Variants in CCDC102B observed in about 807,000 individuals in gnomAD.
CCDC102B encodes the protein coiled-coil domain-containing protein 102B.
A neutral mutation model predicts 57.4 loss-of-function variants in CCDC102B; 75 were observed. That is an observed-to-expected ratio of 1.31 (90% CI 1.08 to 1.58). The LOEUF is 1.58. Ranked by LOEUF, CCDC102B falls within the 40% of genes most tolerant of loss-of-function variation. The pLI is 0.00. For missense variants in CCDC102B, 636 were observed against 582.6 expected (o/e 1.09, Z -0.94); for synonymous variants, 206 against 201.9 (o/e 1.02, Z -0.17).
intron 6 of CCDC102B, among the ~76,000 whole-genome samples, chr18:68,991,631 T>G (rs2050870001): frequency 6.6e-6 from 1 of 152,200 alleles, no homozygotes; most frequent in Non-Finnish European, 1.5e-5. Flanking sequence ...AACTTAATAT[T>G]TGCAAGCTCT....
chr18:68,893,474 C>A (rs756193731), intron 5 of CCDC102B, among the ~76,000 whole-genome samples: 4 of 152,092 alleles, frequency 2.6e-5, no homozygotes, highest in Non-Finnish European at 5.9e-5. Context: ...TAACTGGATT[C>A]TTTTAGAGTG....
At chr18:68,998,470 G>A (rs1331420337) in intron 6 of CCDC102B, among the ~76,000 whole-genome samples, 1 of 148,902 alleles carries the variant, frequency 6.7e-6, no homozygotes, top group Non-Finnish European at 1.5e-5. Flanking sequence ...TAGAGTGACA[G>A]GAGACTAATA....
intron 6 of CCDC102B, among the ~76,000 whole-genome samples, chr18:68,915,264 C>T (rs976020884): frequency 1.3e-4 from 20 of 152,138 alleles, no homozygotes; most frequent in African/African-American, 1.7e-4. Flanking sequence ...AAGTCTTCCC[C>T]GCCAAGGTGA....
chr18:69,034,543 T>C (rs2052235144), intron 7 of CCDC102B, among the ~76,000 whole-genome samples: 1 of 151,970 alleles, frequency 6.6e-6, no homozygotes, highest in Non-Finnish European at 1.5e-5. Flanking sequence ...TTTTGAACTT[T>C]GGACACAATT....
At chr18:69,008,335 A>G (rs1000204305) in intron 6 of CCDC102B, among the ~76,000 whole-genome samples, 4 of 152,228 alleles carry the variant, frequency 2.6e-5, no homozygotes, top group Admixed American at 1.3e-4. Context: ...GTGATGGTGC[A>G]TAAACGACAG....
intron 5 of CCDC102B, among the ~76,000 whole-genome samples, chr18:68,887,794 A>G (rs1443868508): frequency 2.0e-5 from 3 of 152,234 alleles, no homozygotes; most frequent in Non-Finnish European, 4.4e-5. Context: ...ATACATATTT[A>G]TAGTGTACAG....
intron 6 of CCDC102B, among the ~76,000 whole-genome samples, chr18:68,953,520 T>C (rs925375766): frequency 2.0e-5 from 3 of 149,270 alleles, no homozygotes; most frequent in African/African-American, 7.6e-5. Context: ...GTTCAAGTCC[T>C]TTACCCATTT....
At chr18:68,765,442 AAGG>A (rs1425633377) in intron 2 of CCDC102B, among the ~76,000 whole-genome samples, 1 of 151,328 alleles carries the variant, frequency 6.6e-6, no homozygotes, top group Non-Finnish European at 1.5e-5. Context: ...AGAAGGAAGG[AAGG>A]AGAAAGAGGA....
chr18:68,782,588 C>T (rs1377220250), intron 2 of CCDC102B, among the ~76,000 whole-genome samples: 2 of 151,618 alleles, frequency 1.3e-5, no homozygotes, highest in African/African-American at 4.9e-5. Context: ...CAGCTTTTTT[C>T]GATCTGGATC....
intron 5 of CCDC102B, among the ~76,000 whole-genome samples, chr18:68,875,163 A>G (rs1335094709): frequency 6.6e-6 from 1 of 152,154 alleles, no homozygotes; most frequent in African/African-American, 2.4e-5. Context: ...TAACATTGCT[A>G]TTGGAAGCTA....
chr18:68,823,274 A>T (rs955976757), intron 1 of CCDC102B: 4 of 152,292 alleles, frequency 2.6e-5, no homozygotes, highest in Admixed American at 2.0e-4. Flanking sequence ...CGCTTGCTCG[A>T]GTCTGCTCCC....
intron 7 of CCDC102B, among the ~76,000 whole-genome samples, chr18:69,026,900 A>C (rs1392353541): frequency 6.6e-6 from 1 of 152,226 alleles, no homozygotes; most frequent in Non-Finnish European, 1.5e-5. Flanking sequence ...CAAGTGTACA[A>C]TATGCATGAG....
chr18:68,878,045 G>A (rs959735910), intron 5 of CCDC102B, among the ~76,000 whole-genome samples: 11 of 152,174 alleles, frequency 7.2e-5, no homozygotes, highest in Admixed American at 1.3e-4. Context: ...ATGGAGGAAG[G>A]GCAAAGCTGT....
chr18:68,749,308 T>C (rs1201922891), intron 2 of CCDC102B, among the ~76,000 whole-genome samples: 1 of 152,076 alleles, frequency 6.6e-6, no homozygotes, highest in East Asian at 1.9e-4. Context: ...TCCAATACTG[T>C]GAAGAAAGTC....
chr18:68,971,530 T>C (rs1023972066), intron 6 of CCDC102B, among the ~76,000 whole-genome samples: 1 of 152,144 alleles, frequency 6.6e-6, no homozygotes, highest in Non-Finnish European at 1.5e-5. Context: ...GAAATTATGA[T>C]TTTTTTGAGA....
upstream of CCDC102B, among the ~76,000 whole-genome samples, chr18:68,794,665 T>C (rs2035569563): frequency 6.6e-6 from 1 of 152,136 alleles, no homozygotes; most frequent in Non-Finnish European, 1.5e-5. Context: ...GCTGAATTTT[T>C]CTCGTCTCTT....
At chr18:68,832,225 T>C (rs1355146022) in intron 1 of CCDC102B, among the ~76,000 whole-genome samples, 2 of 152,206 alleles carry the variant, frequency 1.3e-5, no homozygotes, top group East Asian at 3.8e-4. Context: ...AAGTTTAACT[T>C]CTGCCAAAAA....
intron 3 of CCDC102B, among the ~76,000 whole-genome samples, chr18:68,842,813 C>T (rs1599551882): frequency 6.6e-6 from 1 of 152,198 alleles, no homozygotes; most frequent in East Asian, 1.9e-4. Flanking sequence ...TGCATGTATT[C>T]CCCAGAAATA....
intron 1 of CCDC102B, among the ~76,000 whole-genome samples, chr18:68,818,829 G>A (rs1037080434): frequency 6.6e-6 from 1 of 152,156 alleles, no homozygotes; most frequent in African/African-American, 2.4e-5. Flanking sequence ...CTTAAGGGAT[G>A]TTGGTTTCCA....
Sources: gnomAD v4.1 joint callset for allele counts (sites outside exome capture counted in the v4.1 genomes callset) on GRCh38, gnomAD v4.1.1 for gene constraint, MANE v1.5 for transcripts, NCBI Gene and HGNC (gene_info 2026-07-23, HGNC 2026-07-21) for gene names.